ST6GAL2: variants seen among roughly 807,000 people sequenced by gnomAD.
The protein encoded by ST6GAL2 is ST6 beta-galactoside alpha-2,6-sialyltransferase 2.
ST6GAL2 carries 24 observed loss-of-function variants against 37.5 expected under a neutral mutation model. The ratio of observed to expected loss-of-function variants is 0.64; its 90% CI spans 0.46 to 0.90. The LOEUF is 0.90. Among genes scored for constraint, ST6GAL2 ranks in the 40% least tolerant of loss-of-function variants. The pLI is 0.00. For synonymous variants in ST6GAL2, 306 were observed against 295.1 expected (o/e 1.04, Z -0.38); for missense variants, 715 against 712.7 (o/e 1.00, Z -0.04).
At chr2:106,872,696 G>A (rs1678324606) in intron 1 of ST6GAL2, among the ~76,000 whole-genome samples, 1 of 152,046 alleles carries the variant, frequency 6.6e-6, no homozygotes, top group African/African-American at 2.4e-5. Flanking sequence ...TGCACTCCCG[G>A]GTTCAAGAGG....
At chr2:106,837,840 A>G (rs1676710428) in intron 2 of ST6GAL2, among the ~76,000 whole-genome samples, 1 of 152,216 alleles carries the variant, frequency 6.6e-6, no homozygotes. Context: ...CAAGGACTTC[A>G]CGAGGCACAG....
chr2:106,816,522 G>T (rs558681705), intron 5 of ST6GAL2, among the ~76,000 whole-genome samples: 2 of 152,096 alleles, frequency 1.3e-5, no homozygotes, highest in Non-Finnish European at 2.9e-5. Context: ...TATTTTGTGA[G>T]GTGGAGTTGC....
At chr2:106,873,987 C>T (rs1225134609) in intron 1 of ST6GAL2, among the ~76,000 whole-genome samples, 1 of 152,138 alleles carries the variant, frequency 6.6e-6, no homozygotes, top group Admixed American at 6.5e-5. Flanking sequence ...TTAGAAATCA[C>T]ATTTAGGGAG....
At position 106,869,707 on chromosome 2, in the gene ST6GAL2, T is replaced by A. The variant is rs138399212; in HGVS notation, c.-58+16386A>T. 1.9e-3 allele frequency among the ~76,000 whole-genome samples: 290 copies of A among 152,312 alleles called. 1 individual carries two copies. Among genetic ancestry groups the A allele is most frequent in the African/African-American group, 6.0e-3 (251 of 41,570 alleles). On this transcript the variant is annotated intron_variant, in intron 1 of 5. Coordinates refer to ENST00000409382, the MANE Select transcript of ST6GAL2 (RefSeq NM_001142351.2). ...TTTAAGCTCTTCTCATTAAGTTGAC[T>A]GATAGGGAGGCTCACACACAACAGT...
intron 5 of ST6GAL2, among the ~76,000 whole-genome samples, chr2:106,812,403 T>A (rs1558675636): frequency 1.3e-5 from 2 of 152,198 alleles, no homozygotes; most frequent in African/African-American, 4.8e-5. Context: ...AGAGACTCAG[T>A]ACTCAGTGTT....
intron 2 of ST6GAL2, among the ~76,000 whole-genome samples, chr2:106,839,422 C>T (rs1475981423): frequency 6.6e-6 from 1 of 152,106 alleles, no homozygotes; most frequent in East Asian, 1.9e-4. Flanking sequence ...CAACCCACAA[C>T]ACTGGAATTG....
intron 1 of ST6GAL2, among the ~76,000 whole-genome samples, chr2:106,880,370 G>C (rs1558735775): frequency 6.6e-6 from 1 of 152,202 alleles, no homozygotes; most frequent in Non-Finnish European, 1.5e-5. Context: ...TCATCACAGA[G>C]AACAGCTAAC....
In ST6GAL2 at chr2:106,830,235, G is replaced by A; in HGVS notation, c.1149C>T (p.Tyr383=). The A allele has an allele frequency of 6.2e-7, 1 of 1,608,004 alleles. No individual in the cohort carries two copies. ...TGAACAGGTTGTAATCCGGTTTTTT[G>A]TACCACTAAGGAAAAAAAAATCAAT... ...APYSANLNLW[Y]KKPDYNLFTP... is the part of the protein sequence containing the mutation. The change falls in exon 5 of 6, where the codon TAC becomes TAT. Residue 383 remains tyrosine (Y), a synonymous_variant. Coordinates refer to ENST00000409382, the MANE Select transcript of ST6GAL2 (RefSeq NM_001142351.2).
At chr2:106,853,179 G>T (rs1191315943) in intron 1 of ST6GAL2, among the ~76,000 whole-genome samples, 1 of 152,158 alleles carries the variant, frequency 6.6e-6, no homozygotes, top group African/African-American at 2.4e-5. Context: ...CAGAACAAGT[G>T]ATCCTCTGAC....
chr2:106,862,463 T>C (rs1204213594), intron 1 of ST6GAL2, among the ~76,000 whole-genome samples: 1 of 152,180 alleles, frequency 6.6e-6, no homozygotes, highest in African/African-American at 2.4e-5. Context: ...TCAGATGAAT[T>C]TGACAAAAAT....
chr2:106,855,442 C>T (rs1316091000), intron 1 of ST6GAL2, among the ~76,000 whole-genome samples: 1 of 152,164 alleles, frequency 6.6e-6, no homozygotes, highest in African/African-American at 2.4e-5. Context: ...ACAATAGAGG[C>T]TGCAAAACAA....
chr2:106,821,834 C>A (rs1318724325), intron 5 of ST6GAL2, among the ~76,000 whole-genome samples: 1 of 151,996 alleles, frequency 6.6e-6, no homozygotes, highest in East Asian at 1.9e-4. Flanking sequence ...GGGATTTATC[C>A]CTGGGATGCA....
chr2:106,883,433 G>A (rs1287746899), intron 1 of ST6GAL2, among the ~76,000 whole-genome samples: 1 of 152,202 alleles, frequency 6.6e-6, no homozygotes, highest in Non-Finnish European at 1.5e-5. Flanking sequence ...CCCATTCAGT[G>A]TTTGGCATTG....
intron 5 of ST6GAL2, among the ~76,000 whole-genome samples, chr2:106,826,199 G>A (rs1250257201): frequency 6.6e-6 from 1 of 152,148 alleles, no homozygotes; most frequent in African/African-American, 2.4e-5. Flanking sequence ...TAAAATACCT[G>A]AGACTGCGTA....
intron 1 of ST6GAL2, among the ~76,000 whole-genome samples, chr2:106,848,043 CT>C (rs1170945878): frequency 0.049 from 6,860 of 140,042 alleles, 164 homozygotes; most frequent in South Asian, 0.15. Flanking sequence ...TTTTCTCTTT[CT>C]TTTTTTTTTT....
intron 2 of ST6GAL2, among the ~76,000 whole-genome samples, chr2:106,839,937 G>A (rs1345760701): frequency 6.6e-6 from 1 of 152,202 alleles, no homozygotes. Context: ...GTTTACAACT[G>A]CTCTACTTTT....
At chr2:106,834,270 AT>A in intron 2 of ST6GAL2, 124 bp from the exon 3 acceptor site, 1 of 652,028 alleles carries the variant, frequency 1.5e-6, no homozygotes, top group East Asian at 2.8e-5. Flanking sequence ...AAGTTAAGAT[AT>A]GCCCACATGA....
chr2:106,884,786 A>G (rs1678893448), intron 1 of ST6GAL2, among the ~76,000 whole-genome samples: 1 of 151,550 alleles, frequency 6.6e-6, no homozygotes, highest in South Asian at 2.1e-4. Flanking sequence ...CAAGTGGTAT[A>G]TAAAAATTTT....
intron 4 of ST6GAL2, 69 bp from the exon 5 acceptor site, chr2:106,830,309 G>A: frequency 7.1e-7 from 1 of 1,411,770 alleles, no homozygotes; most frequent in Non-Finnish European, 9.7e-7. Context: ...GGGCATGGCT[G>A]GTTGATTTGA....
Sources: allele counts gnomAD v4.1 joint callset (sites outside exome capture counted in the v4.1 genomes callset), GRCh38; gene constraint gnomAD v4.1.1; transcripts MANE v1.5; gene names NCBI Gene and HGNC (gene_info 2026-07-23, HGNC 2026-07-21).